TSPAN9: variants seen among roughly 807,000 people sequenced by gnomAD.
TSPAN9 encodes tetraspanin-9.
Under a neutral mutation model 31.0 loss-of-function variants are expected in TSPAN9, and 16 were observed. The ratio of observed to expected loss-of-function variants is 0.52; its 90% CI spans 0.35 to 0.78. The LOEUF (loss-of-function observed/expected upper bound fraction) is 0.78, where lower values mean the gene tolerates loss of function less well. Among genes scored for constraint, TSPAN9 ranks in the 30% least tolerant of loss-of-function variants. The pLI, the probability that TSPAN9 is intolerant of heterozygous loss-of-function variation, is 0.01. For missense variants in TSPAN9, 272 were observed against 312.5 expected, an observed-to-expected ratio of 0.87 and a Z score of 0.98; for synonymous variants, 145 against 121.6, an observed-to-expected ratio of 1.19 and a Z score of -1.27.
intron 5 of TSPAN9, among the ~76,000 whole-genome samples, chr12:3,279,413 A>T (rs558949307): frequency 2.6e-5 from 4 of 152,328 alleles, no homozygotes; most frequent in African/African-American, 9.6e-5. Flanking sequence ...AGGGATTCAG[A>T]CCTCATCAGG....
rs539509897 is a variant in TSPAN9 at position 3,224,770 on chromosome 12, C to T, written c.63+23514C>T. On this transcript the variant is annotated intron_variant, in intron 3 of 8. Coordinates refer to ENST00000011898, the MANE Select transcript of TSPAN9 (RefSeq NM_006675.5). ...TGTCGGGTCTGGTTTGACGTCAGCA[C>T]GGGCCCCCTGACAGATTTCCCGGTT... Among the ~76,000 whole-genome samples the T allele has an allele frequency of 1.8e-4, 28 of 152,330 alleles. No homozygotes were observed. The East Asian group carries it at 4.3e-3, about 23-fold the overall frequency.
intron 2 of TSPAN9, among the ~76,000 whole-genome samples, chr12:3,111,039 A>G (rs924589665): frequency 1.3e-4 from 20 of 152,166 alleles, no homozygotes; most frequent in Non-Finnish European, 2.9e-5. Flanking sequence ...GTTCTGTAAA[A>G]CAAGTGGTTG....
chr12:3,207,126 G>T (rs149093237), intron 3 of TSPAN9, among the ~76,000 whole-genome samples: 133 of 152,132 alleles, frequency 8.7e-4, no homozygotes, highest in Non-Finnish European at 1.4e-3. Flanking sequence ...CGAAGTAGAG[G>T]GGCACTGCAG....
chr12:3,157,999 T>C (rs2098343122), intron 2 of TSPAN9, among the ~76,000 whole-genome samples: 1 of 151,938 alleles, frequency 6.6e-6, no homozygotes, highest in Non-Finnish European at 1.5e-5. Context: ...TCCCTTTATC[T>C]ACTAAAAAAA....
At chr12:3,201,290 C>T (rs755515264) in intron 3 of TSPAN9, 34 bp downstream of exon 3, 1 of 1,596,436 alleles carries the variant, frequency 6.3e-7, no homozygotes, top group East Asian at 2.2e-5. Context: ...CCTTCGCCCT[C>T]TTCTCCTCCT....
At chr12:3,261,503 C>T (rs921366691) in intron 3 of TSPAN9, among the ~76,000 whole-genome samples, 9 of 152,096 alleles carry the variant, frequency 5.9e-5, no homozygotes, top group African/African-American at 1.7e-4. Flanking sequence ...CTGTGACTCC[C>T]GGCTGGAAGA....
intron 3 of TSPAN9, among the ~76,000 whole-genome samples, chr12:3,213,760 G>T (rs918074505): frequency 2.6e-5 from 4 of 152,140 alleles, no homozygotes; most frequent in Non-Finnish European, 5.9e-5. Context: ...GCTGTGGGAG[G>T]AATATTGACA....
chr12:3,276,094 G>C (rs1000754361), intron 3 of TSPAN9, among the ~76,000 whole-genome samples: 1 of 152,154 alleles, frequency 6.6e-6, no homozygotes, highest in East Asian at 1.9e-4. Context: ...CTCGCAATTA[G>C]GCAGGGTAGG....
chr12:3,095,755 G>A (rs1278034830), intron 2 of TSPAN9, among the ~76,000 whole-genome samples: 2 of 147,058 alleles, frequency 1.4e-5, no homozygotes, highest in Admixed American at 6.7e-5. Flanking sequence ...GGGCAGAGAC[G>A]CTCCTCACTT....
At chr12:3,219,802 T>G (rs2098383361) in intron 3 of TSPAN9, among the ~76,000 whole-genome samples, 1 of 145,494 alleles carries the variant, frequency 6.9e-6, no homozygotes, top group Non-Finnish European at 1.5e-5. Flanking sequence ...TATACCAATG[T>G]AACAAACCTG....
intron 3 of TSPAN9, among the ~76,000 whole-genome samples, chr12:3,211,034 C>T (rs540460059): frequency 1.3e-5 from 2 of 152,300 alleles, no homozygotes; most frequent in South Asian, 2.1e-4. Flanking sequence ...ACGTGAGCCA[C>T]GGCGCCCTGC....
At chr12:3,228,876 A>C in intron 3 of TSPAN9, among the ~76,000 whole-genome samples, 1 of 152,164 alleles carries the variant, frequency 6.6e-6, no homozygotes, top group East Asian at 1.9e-4. Context: ...CTAGGGAAGA[A>C]TCCTTCCTTG....
At position 3,092,707 on chromosome 12, in the gene TSPAN9, C is replaced by T. The variant is rs56665814; in HGVS notation, c.-18+8988C>T. Among the ~76,000 whole-genome samples the T allele has an allele frequency of 9.6e-3, 1,455 of 152,306 alleles. 28 individuals are homozygous for T. The highest frequency in any genetic ancestry group is 0.034 in the African/African-American group (1,401 of 41,554). ...TCATCCACCTTACCCACTGCTTATC[C>T]AAATGGGTCTCAGTTGTTTGGCACA... On this transcript the variant is annotated intron_variant, in intron 2 of 8. Transcript: ENST00000011898.
chr12:3,152,986 G>A (rs1051221446), intron 2 of TSPAN9, among the ~76,000 whole-genome samples: 2 of 152,230 alleles, frequency 1.3e-5, no homozygotes, highest in Non-Finnish European at 2.9e-5. Context: ...CTGACGGGTG[G>A]GGGCCCCAGG....
intron 3 of TSPAN9, among the ~76,000 whole-genome samples, chr12:3,221,338 T>C (rs1370560537): frequency 6.6e-6 from 1 of 151,464 alleles, no homozygotes; most frequent in South Asian, 2.1e-4. Context: ...GATAAGTTAT[T>C]TTTTATTTAA....
intron 3 of TSPAN9, chr12:3,273,119 A>C (rs1862713982): frequency 6.6e-6 from 1 of 152,244 alleles, no homozygotes; most frequent in Non-Finnish European, 1.5e-5. Context: ...CTCCGGAGTC[A>C]GGGCACGGCC....
In TSPAN9 at chr12:3,181,696, C is replaced by G. The variant is rs372728865; in HGVS notation, c.-17-19481C>G. ...GTGACACGCCCAAAGTCACATTGTC[C>G]CTAGGAGATAGAACTGGGACTCACA... is the stretch of plus-strand genomic sequence containing the variant. On this transcript the variant is annotated intron_variant, in intron 2 of 8. Transcript: ENST00000011898. 1.5e-3 allele frequency among the ~76,000 whole-genome samples: 232 copies of G among 152,262 alleles called. 2 individuals are homozygous for G. The South Asian group carries it at 0.019, about 13-fold the overall frequency.
chr12:3,129,675 C>T (rs973400186), intron 2 of TSPAN9, among the ~76,000 whole-genome samples: 2 of 152,242 alleles, frequency 1.3e-5, no homozygotes, highest in Non-Finnish European at 2.9e-5. Flanking sequence ...ATGTATAGGA[C>T]TTGGCCTAGT....
rs1331947632 is a variant in TSPAN9 at position 3,170,385 on chromosome 12, G to A, written c.-17-30792G>A. Among the ~76,000 whole-genome samples the A allele has an allele frequency of 6.6e-6, 1 of 152,186 alleles. No homozygotes were observed. The highest frequency in any genetic ancestry group is 1.5e-5 in the Non-Finnish European group (1 of 68,034). On this transcript the variant is annotated intron_variant, in intron 2 of 8. Coordinates refer to ENST00000011898, the MANE Select transcript of TSPAN9 (RefSeq NM_006675.5). This position sits in a 1 kb window ranked among gnomAD's most constrained non-coding sequence, Gnocchi z 4.4. Reference sequence around the variant, plus strand: ...ACCAATCTACGGCTAGCTTGCTCCAGATAGCATGTAGCATAGGATTCCACA... The same window carrying A: ...ACCAATCTACGGCTAGCTTGCTCCAAATAGCATGTAGCATAGGATTCCACA...
Sources: gnomAD v4.1 joint callset for allele counts (sites outside exome capture counted in the v4.1 genomes callset) on GRCh38, gnomAD v4.1.1 for gene constraint, Gnocchi (gnomAD v3.1) non-coding constraint, MANE v1.5 for transcripts, NCBI Gene and HGNC (gene_info 2026-07-23, HGNC 2026-07-21) for gene names.